The following MFSD11 variants were observed in gnomAD, a reference collection of about 807,000 sequenced individuals.
MFSD11 encodes the protein major facilitator superfamily domain containing 11.
Under a neutral mutation model 53.5 loss-of-function variants are expected in MFSD11, and 36 were observed. The observed-to-expected ratio is 0.67, with a 90% CI of 0.52 to 0.89. The LOEUF (loss-of-function observed/expected upper bound fraction) is 0.89, where lower values mean the gene tolerates loss of function less well. Ranked by LOEUF, MFSD11 falls within the 40% of genes least tolerant of loss-of-function variation. The probability of loss-of-function intolerance (pLI) is 0.00; values close to 1 mark genes in which losing one functional copy is unlikely to be tolerated. For synonymous variants in MFSD11, 186 were observed against 184.9 expected (o/e 1.01, Z -0.05); for missense variants, 530 against 543.9 (o/e 0.97, Z 0.25).
intron 1 of MFSD11, 91 bp downstream of exon 1, chr17:76,738,539 C>A (rs1042322273): frequency 1.1e-6 from 1 of 894,516 alleles, no homozygotes; most frequent in Non-Finnish European, 1.7e-6. Context: ...TAATAGCGCG[C>A]TTTAATTGCA....
At chr17:76,739,457 A>C (rs190752485) in intron 2 of MFSD11, among the ~76,000 whole-genome samples, 1 of 152,354 alleles carries the variant, frequency 6.6e-6, no homozygotes, top group Admixed American at 6.5e-5. Flanking sequence ...GATTAGTCCC[A>C]ATTTTACAGA....
chr17:76,795,771 A>G, the MFSD11 span, among the ~76,000 whole-genome samples: 1 of 151,718 alleles, frequency 6.6e-6, no homozygotes, highest in Admixed American at 6.6e-5. Context: ...CTCCTGCTTC[A>G]GCCTCCTGAG....
At chr17:76,754,683 C>CAAA (rs10667934) in intron 8 of MFSD11, among the ~76,000 whole-genome samples, 2,063 of 119,100 alleles carry the variant, frequency 0.017, 55 homozygotes, top group African/African-American at 0.033. Flanking sequence ...GACTCCATCT[C>CAAA]AAAAAAAAAA....
chr17:76,753,287 A>G (rs1266170538), intron 7 of MFSD11, among the ~76,000 whole-genome samples: 2 of 152,200 alleles, frequency 1.3e-5, no homozygotes, highest in African/African-American at 4.8e-5. Context: ...GAAAATAACA[A>G]AAGTCTCTGA....
chr17:76,741,092 A>T (rs2078040431), intron 3 of MFSD11, 28 bp downstream of exon 3: 1 of 1,257,342 alleles, frequency 8.0e-7, no homozygotes, highest in African/African-American at 1.5e-5. Flanking sequence ...GCACTTATTT[A>T]ATCAGAACAC....
At position 76,775,029 on chromosome 17, in the gene MFSD11, A is replaced by G. The variant is rs1172076681; in HGVS notation, c.907A>G (p.Asn303Asp). 8 of 1,613,918 alleles carry G rather than the reference A, an allele frequency of 5.0e-6. No individual in the cohort carries two copies. The highest frequency in any genetic ancestry group is 5.9e-6 in the Non-Finnish European group (7 of 1,179,946). ...GSLFGLLSKNNRFGRNPVVLL... is the reference protein window; with the variant it reads ...GSLFGLLSKNDRFGRNPVVLL... ...CCTCTTCGGCCTGCTGAGCAAGAACAATCGTTTTGGTAGAAATCCAGTTGT... is the reference window on the plus strand; with the variant it reads ...CCTCTTCGGCCTGCTGAGCAAGAACGATCGTTTTGGTAGAAATCCAGTTGT... The change falls in exon 11 of 13, where the codon AAT (asparagine) becomes GAT (aspartate). Residue 303 changes from asparagine (N) to aspartate (D), a missense_variant. Coordinates refer to ENST00000685175, the MANE Select transcript of MFSD11 (RefSeq NM_001242532.5).
downstream of MFSD11, among the ~76,000 whole-genome samples, chr17:76,781,933 G>A (rs1169812169): frequency 5.3e-5 from 8 of 151,060 alleles, no homozygotes; most frequent in East Asian, 3.9e-4. Context: ...GCAATATTCC[G>A]GCCTCAGTCT....
intron 8 of MFSD11, 66 bp downstream of exon 8, chr17:76,754,153 T>C (rs2079344164): frequency 7.4e-7 from 1 of 1,351,280 alleles, no homozygotes; most frequent in Non-Finnish European, 1.1e-6. Context: ...GCCTTTCCCC[T>C]ATTCCCTGGT....
At position 76,778,518 on chromosome 17, in the gene MFSD11, G is replaced by C. The variant is rs1267057050; in HGVS notation, c.*166G>C. On this transcript the variant is annotated 3_prime_UTR_variant, in exon 13 of 13. Coordinates refer to ENST00000685175, the MANE Select transcript of MFSD11 (RefSeq NM_001242532.5). ...GCCAGAGTTGGTGTTCAAGTTTACAGATATGAGTTATTTAAAGCAAGTAGA... is the reference window on the plus strand; with the variant it reads ...GCCAGAGTTGGTGTTCAAGTTTACACATATGAGTTATTTAAAGCAAGTAGA... 4 of 602,824 alleles carry C rather than the reference G, an allele frequency of 6.6e-6. No individual in the cohort carries two copies. Among genetic ancestry groups the C allele is most frequent in the Non-Finnish European group, 1.1e-5 (4 of 354,542 alleles). The allele number at this position is 602,824 out of a possible 1,614,324, so 37.3% of individuals were successfully genotyped here.
chr17:76,780,435 G>T (rs1291762839), downstream of MFSD11, among the ~76,000 whole-genome samples: 6 of 151,298 alleles, frequency 4.0e-5, no homozygotes, highest in African/African-American at 1.5e-4. Context: ...CTCGCAAAGT[G>T]CTGGGGGGAT....
chr17:76,754,260 G>T, intron 8 of MFSD11, 173 bp downstream of exon 8: 2 of 564,154 alleles, frequency 3.5e-6, no homozygotes, highest in Non-Finnish European at 6.3e-6. Flanking sequence ...TAACATGGGG[G>T]TTGTGAGGGA....
chr17:76,740,366 T>C (rs1437578885), intron 2 of MFSD11, among the ~76,000 whole-genome samples: 1 of 152,158 alleles, frequency 6.6e-6, no homozygotes, highest in African/African-American at 2.4e-5. Flanking sequence ...AACTGAGTAA[T>C]AATGTTCAAG....
At chr17:76,795,838 T>A in the MFSD11 span, among the ~76,000 whole-genome samples, 1 of 144,500 alleles carries the variant, frequency 6.9e-6, no homozygotes, top group South Asian at 2.2e-4. Flanking sequence ...TTTTTTTTTG[T>A]ATTTTTTTAG....
At chr17:76,782,474 CTTTTTTTTTTTTT>C (rs33999736), downstream of MFSD11, among the ~76,000 whole-genome samples, 1 of 76,172 alleles carries the variant, frequency 1.3e-5, no homozygotes, top group Non-Finnish European at 2.2e-5. Context: ...CGCGCCCAGG[CTTTTTTTTTTTTT>C]TTTTTTTTTG....
chr17:76,770,198 C>T (rs981873876), intron 10 of MFSD11, among the ~76,000 whole-genome samples: 7 of 151,830 alleles, frequency 4.6e-5, no homozygotes, highest in East Asian at 3.9e-4. Flanking sequence ...CCACTATGCC[C>T]GGCTAATTTT....
intron 7 of MFSD11, chr17:76,748,185 A>G (rs1344834137): frequency 6.6e-6 from 1 of 152,362 alleles, no homozygotes; most frequent in East Asian, 1.9e-4. Context: ...AAAGCCAGGC[A>G]GTGGGAAGGG....
At chr17:76,784,950 T>C (rs2082255078), downstream of MFSD11, among the ~76,000 whole-genome samples, 1 of 152,186 alleles carries the variant, frequency 6.6e-6, no homozygotes, top group African/African-American at 2.4e-5. Flanking sequence ...AAAATAGAAT[T>C]ACATATGATC....
chr17:76,787,573 A>G, the MFSD11 span, among the ~76,000 whole-genome samples: 1 of 150,404 alleles, frequency 6.6e-6, no homozygotes, highest in Non-Finnish European at 1.5e-5. Context: ...GTCCTCCAAG[A>G]AAATGAAAGG....
At position 76,771,410 on chromosome 17, in the gene MFSD11, A is replaced by T. The variant is rs186915500; in HGVS notation, c.874+1539A>T. Among the ~76,000 whole-genome samples the T allele has an allele frequency of 2.0e-5, 3 of 152,366 alleles. 1 individual carries two copies. The East Asian group carries it at 5.8e-4, about 29-fold the overall frequency. On this transcript the variant is annotated intron_variant, in intron 10 of 12. Transcript: ENST00000685175. ...CAAAGATTTGTTCAGCACTTGCAGT[A>T]TATTGAATATTGTGTTAGATATGAG...
Sources: gnomAD v4.1 joint callset for allele counts (sites outside exome capture counted in the v4.1 genomes callset) on GRCh38, gnomAD v4.1.1 for gene constraint, MANE v1.5 for transcripts, NCBI Gene and HGNC (gene_info 2026-07-23, HGNC 2026-07-21) for gene names.